The following HSPA12B variants were observed in gnomAD, a reference collection of about 807,000 sequenced individuals.
The protein encoded by HSPA12B is heat shock 70 kDa protein 12B.
HSPA12B carries 54 observed loss-of-function variants against 69.3 expected under a neutral mutation model. The observed-to-expected ratio is 0.78, with a 90% CI of 0.63 to 0.98. The LOEUF is 0.98. Among genes scored for constraint, HSPA12B ranks in the 50% least tolerant of loss-of-function variants. The pLI, the probability that HSPA12B is intolerant of heterozygous loss-of-function variation, is 0.00. For missense variants in HSPA12B, 929 were observed against 999.8 expected, an observed-to-expected ratio of 0.93 and a Z score of 0.96; for synonymous variants, 441 against 436.5, an observed-to-expected ratio of 1.01 and a Z score of -0.13.
At position 3,751,359 on chromosome 20, in the gene HSPA12B, A is replaced by G. The variant is rs140719951; in HGVS notation, c.1406-152A>G. The G allele has an allele frequency of 3.9e-5, 52 of 1,344,286 alleles. No homozygotes were observed. In the Middle Eastern group the frequency reaches 1.4e-3, roughly 36 times the overall value. 83.3% of individuals were successfully genotyped at this position (1,344,286 alleles called of 1,614,324 possible). A position where few individuals can be genotyped will look rare whatever the true frequency, so the allele number is the denominator to read the frequency against. Reference sequence around the variant, plus strand: ...AGGACTCCCGTGAGCTCTCAAAGAAAGTGCTCAAATGGCTACTTTCTAGTC... The same window carrying G: ...AGGACTCCCGTGAGCTCTCAAAGAAGGTGCTCAAATGGCTACTTTCTAGTC... On this transcript the variant is annotated intron_variant, in intron 12 of 12. Coordinates refer to ENST00000254963, the MANE Select transcript of HSPA12B (RefSeq NM_052970.5).
At position 3,749,775 on chromosome 20, in the gene HSPA12B, C is replaced by T. The variant is rs1313629679; in HGVS notation, c.963C>T (p.Cys321=). Reference sequence around the variant, plus strand: ...GAGACCGCTACGTGGTGGCCGACTGCGGCGGAGGCACCGTGGACCTGACGG... The same window carrying T: ...GAGACCGCTACGTGGTGGCCGACTGTGGCGGAGGCACCGTGGACCTGACGG... The part of the protein sequence containing the change: ...QAGDRYVVAD[C]GGGTVDLTVH... Residue 321 remains cysteine, a synonymous_variant, in exon 10 of 13, where the codon TGC becomes TGT. Transcript: ENST00000254963. The surrounding 1 kb of genome is among the most constrained non-coding windows in gnomAD (Gnocchi z 5.5). 1.9e-5 allele frequency: 30 copies of T among 1,603,028 alleles called. No individual in the cohort carries two copies. Among genetic ancestry groups the T allele is most frequent in the African/African-American group, 4.0e-5 (3 of 74,680 alleles).
chr20:3,734,465 G>A (rs1002746539), intron 1 of HSPA12B, among the ~76,000 whole-genome samples: 1 of 152,210 alleles, frequency 6.6e-6, no homozygotes, highest in African/African-American at 2.4e-5. Flanking sequence ...GTTCCTTTCT[G>A]TGTAAATCAA....
At chr20:3,738,987 A>T (rs1227695835) in intron 2 of HSPA12B, among the ~76,000 whole-genome samples, 1 of 152,102 alleles carries the variant, frequency 6.6e-6, no homozygotes, top group Non-Finnish European at 1.5e-5. Flanking sequence ...CCTCATGTGT[A>T]TATGAGTGTG....
rs1035258024 is a variant in HSPA12B, at chr20:3,740,756, G to C, written c.44-59G>C. Reference sequence around the variant, plus strand: ...AGAACCTTTGGGTGCCTGGCTTGGGGCCCCGCTGCCATACCTACCCTGCTT... The same window carrying C: ...AGAACCTTTGGGTGCCTGGCTTGGGCCCCCGCTGCCATACCTACCCTGCTT... On this transcript the variant is annotated intron_variant, in intron 2 of 12. Coordinates refer to ENST00000254963, the MANE Select transcript of HSPA12B (RefSeq NM_052970.5). The surrounding 1 kb of genome is among the most constrained non-coding windows in gnomAD (Gnocchi z 4.9). 1.4e-6 allele frequency: 2 copies of C among 1,456,622 alleles called. No individual in the cohort carries two copies. Among genetic ancestry groups the C allele is most frequent in the Admixed American group, 3.7e-5 (2 of 54,436 alleles). The allele number at this position is 1,456,622 out of a possible 1,614,324, so 90.2% of individuals were successfully genotyped here. A position where few individuals can be genotyped will look rare whatever the true frequency, so the allele number is the denominator to read the frequency against.
intron 11 of HSPA12B, 65 bp downstream of exon 11, chr20:3,750,292 G>A (rs1441360077): frequency 4.5e-5 from 66 of 1,461,522 alleles, no homozygotes; most frequent in Non-Finnish European, 4.4e-5. Context: ...GCACTGGAGG[G>A]TCCCGGGCCC....
intron 2 of HSPA12B, among the ~76,000 whole-genome samples, chr20:3,739,465 G>A (rs2088163053): frequency 6.6e-6 from 1 of 152,202 alleles, no homozygotes; most frequent in African/African-American, 2.4e-5. Flanking sequence ...AGGCAAGAGG[G>A]ACACTCCTCA....
At chr20:3,742,134 G>T (rs2088212679) in intron 3 of HSPA12B, 150 bp from the exon 4 acceptor site, 1 of 1,137,110 alleles carries the variant, frequency 8.8e-7, no homozygotes, top group Non-Finnish European at 1.2e-6. Flanking sequence ...GCCCGAGCAG[G>T]TGGGCAGGTG....
Position 3,749,171 on chromosome 20 carries a change from T to C in HSPA12B, c.851-61T>C. On this transcript the variant is annotated intron_variant, in intron 8 of 12. Coordinates refer to ENST00000254963, the MANE Select transcript of HSPA12B (RefSeq NM_052970.5). This position sits in a 1 kb window ranked among gnomAD's most constrained non-coding sequence, Gnocchi z 5.5. The stretch of plus-strand genomic sequence containing the variant: ...AGGTCCTGGGCAGGAGGATGGGAGT[T>C]GAACGCCATAGCTGGAGCACCTCCT... The C allele has an allele frequency of 6.8e-7, 1 of 1,471,684 alleles. No homozygotes were observed. Among genetic ancestry groups the C allele is most frequent in the South Asian group, 1.2e-5 (1 of 83,540 alleles). 91.2% of individuals were successfully genotyped at this position (1,471,684 alleles called of 1,614,324 possible). A position where few individuals can be genotyped will look rare whatever the true frequency, so the allele number is the denominator to read the frequency against.
rs953212658 is a variant in HSPA12B at position 3,745,018 on chromosome 20, A to T, written c.383A>T (p.Asp128Val). 4.6e-5 allele frequency: 74 copies of T among 1,613,886 alleles called. No homozygotes were observed. Among genetic ancestry groups the T allele is most frequent in the African/African-American group, 8.0e-5 (6 of 74,904 alleles). ...FGYTARDYYH[D>V]LDPEEARDWL... ...TACACCGCCCGCGATTACTACCATG[A>T]CCTGGACCCCGAAGAGGCGCGGGAC... Residue 128 changes from aspartate to valine, a missense_variant, in exon 5 of 13, where the codon GAC becomes GTC. Physicochemically the swap from Asp to Val is radical, Grantham distance 152. Transcript: ENST00000254963. This position sits in a 1 kb window ranked among gnomAD's most constrained non-coding sequence, Gnocchi z 5.6.
At chr20:3,739,812 C>T (rs921539825) in intron 2 of HSPA12B, among the ~76,000 whole-genome samples, 2 of 152,146 alleles carry the variant, frequency 1.3e-5, no homozygotes, top group African/African-American at 4.8e-5. Flanking sequence ...GCCTGCCTGG[C>T]TCAGCCTAAG....
At position 3,752,979 on chromosome 20, in the gene HSPA12B, C is replaced by T. The variant is rs929700322; in HGVS notation, c.*813C>T. 2.0e-5 allele frequency: 3 copies of T among 153,498 alleles called. No homozygotes were observed. The highest frequency in any genetic ancestry group is 1.3e-4 in the Admixed American group (2 of 15,276). 9.5% of individuals were successfully genotyped at this position (153,498 alleles called of 1,614,324 possible). On this transcript the variant is annotated 3_prime_UTR_variant, in exon 13 of 13. Coordinates refer to ENST00000254963, the MANE Select transcript of HSPA12B (RefSeq NM_052970.5). Reference sequence around the variant, plus strand: ...CTATTGACTCGGTATGCCTTTAGGACATTCTCTTACCGCTCATGGGCCTCA... The same window carrying T: ...CTATTGACTCGGTATGCCTTTAGGATATTCTCTTACCGCTCATGGGCCTCA...
intron 3 of HSPA12B, among the ~76,000 whole-genome samples, chr20:3,741,286 T>C (rs930078740): frequency 3.4e-5 from 5 of 148,192 alleles, no homozygotes; most frequent in African/African-American, 1.2e-4. Flanking sequence ...ATCCAAGTCA[T>C]ATCTGAAGGA....
At chr20:3,736,144 T>A (rs1476238994) in intron 1 of HSPA12B, among the ~76,000 whole-genome samples, 2 of 152,332 alleles carry the variant, frequency 1.3e-5, no homozygotes, top group East Asian at 3.9e-4. Context: ...TCAGCTCGCA[T>A]GAGCTGGTGG....
Position 3,737,695 on chromosome 20 carries a change from C to A in HSPA12B, c.-17-963C>A, listed in dbSNP as rs962334953. 2.6e-5 allele frequency among the ~76,000 whole-genome samples: 4 copies of A among 152,110 alleles called. No homozygotes were observed. Among genetic ancestry groups the A allele is most frequent in the Non-Finnish European group, 5.9e-5 (4 of 68,012 alleles). ...GTTCTCCTCGTGACAGAGTGACACCCTATCTCAAAACAAACAAACAACGAA... is the reference window on the plus strand; with the variant it reads ...GTTCTCCTCGTGACAGAGTGACACCATATCTCAAAACAAACAAACAACGAA... On this transcript the variant is annotated intron_variant, in intron 1 of 12. Transcript: ENST00000254963. This position sits in a 1 kb window ranked among gnomAD's most constrained non-coding sequence, Gnocchi z 4.1.
chr20:3,740,886 G>A lies in HSPA12B; in HGVS notation c.115G>A (p.Ala39Thr). ...GAGGACCCAGGAAAGCTGCGGCATT[G>A]CCCCCCTCACACCCTCGCAGTCTCC... ...SPRTQESCGIAPLTPSQSPKP... is the reference protein window; with the variant it reads ...SPRTQESCGITPLTPSQSPKP... Residue 39 changes from alanine to threonine, a missense_variant, in exon 3 of 13, where the codon GCC becomes ACC. Coordinates refer to ENST00000254963, the MANE Select transcript of HSPA12B (RefSeq NM_052970.5). The surrounding 1 kb of genome is among the most constrained non-coding windows in gnomAD (Gnocchi z 4.9). 1.2e-6 allele frequency: 2 copies of A among 1,613,538 alleles called. No individual in the cohort carries two copies. The highest frequency in any genetic ancestry group is 1.1e-5 in the South Asian group (1 of 91,006).
Position 3,744,175 on chromosome 20 carries a change from G to A in HSPA12B, c.267-727G>A, listed in dbSNP as rs912908077. Among the ~76,000 whole-genome samples the A allele has an allele frequency of 6.6e-6, 1 of 152,194 alleles. No homozygotes were observed. The highest frequency in any genetic ancestry group is 2.4e-5 in the African/African-American group (1 of 41,446). ...CCCAAGGCCTGGAGACTGGATGGAA[G>A]GGTGAATGGAGACATAGACAGACAG... On this transcript the variant is annotated intron_variant, in intron 4 of 12. Transcript: ENST00000254963. The surrounding 1 kb of genome is among the most constrained non-coding windows in gnomAD (Gnocchi z 4.9).
chr20:3,738,219 G>A (rs1385658212), intron 1 of HSPA12B, among the ~76,000 whole-genome samples: 2 of 152,138 alleles, frequency 1.3e-5, no homozygotes, highest in Non-Finnish European at 2.9e-5. Flanking sequence ...ACTCAGCAAC[G>A]CTTGTCATTT....
In HSPA12B at chr20:3,745,321, G is replaced by A. The variant is rs1343025542; in HGVS notation, c.454-172G>A. On this transcript the variant is annotated intron_variant, in intron 5 of 12. Transcript: ENST00000254963. This position sits in a 1 kb window ranked among gnomAD's most constrained non-coding sequence, Gnocchi z 5.6. ...ATAGTGAAGCTGGGGTTGCAGGAGG[G>A]GTGGGGCTAAGGAGAGGGGTCGGGG... Among the ~76,000 whole-genome samples the A allele has an allele frequency of 1.3e-5, 2 of 151,986 alleles. No individual in the cohort carries two copies. The highest frequency in any genetic ancestry group is 4.8e-5 in the African/African-American group (2 of 41,360).
Position 3,751,782 on chromosome 20 carries a change from A to G in HSPA12B, c.1677A>G (p.Glu559=), listed in dbSNP as rs1468348921. 6 of 1,527,386 alleles carry G rather than the reference A, an allele frequency of 3.9e-6. No homozygotes were observed. The African/African-American group carries it at 7.0e-5, about 18-fold the overall frequency. 94.6% of individuals were successfully genotyped at this position (1,527,386 alleles called of 1,614,324 possible). The change falls in exon 13 of 13, where the codon GAA becomes GAG. Residue 559 remains glutamate (E), a synonymous_variant. Transcript: ENST00000254963. Reference sequence around the variant, plus strand: ...TTGTGCCTGGGCGCCACCCGCCCGAAAAGCTGCTGGTTCGCGACGGCCGCC... The same window carrying G: ...TTGTGCCTGGGCGCCACCCGCCCGAGAAGCTGCTGGTTCGCGACGGCCGCC... The part of the protein sequence containing the change: ...NRFVPGRHPP[E]KLLVRDGRRW...
Sources: allele counts gnomAD v4.1 joint callset (sites outside exome capture counted in the v4.1 genomes callset), GRCh38; gene constraint gnomAD v4.1.1; non-coding constraint Gnocchi (gnomAD v3.1); transcripts MANE v1.5; gene names NCBI Gene and HGNC (gene_info 2026-07-23, HGNC 2026-07-21).